LINGO2: variants seen among roughly 807,000 people sequenced by gnomAD.
The protein encoded by LINGO2 is leucine rich repeat and Ig domain containing 2.
LINGO2 carries 14 observed loss-of-function variants against 30.6 expected under a neutral mutation model. That is an observed-to-expected ratio of 0.46 (90% CI 0.30 to 0.72). The LOEUF is 0.72. LINGO2 is among the 30% of genes least tolerant of loss of function. LINGO2 has a pLI of 0.07. For missense variants in LINGO2, 729 were observed against 751.7 expected, an observed-to-expected ratio of 0.97 and a Z score of 0.35; for synonymous variants, 317 against 288.5, an observed-to-expected ratio of 1.10 and a Z score of -1.00.
At chr9:28,037,608 C>T (rs775205589) in intron 4 of LINGO2, among the ~76,000 whole-genome samples, 10 of 152,090 alleles carry the variant, frequency 6.6e-5, no homozygotes, top group South Asian at 2.1e-4. Context: ...TTATTTTATC[C>T]GCAGCGCTTG....
At chr9:28,987,942 G>A in the LINGO2 span, among the ~76,000 whole-genome samples, 1 of 152,066 alleles carries the variant, frequency 6.6e-6, no homozygotes, top group Non-Finnish European at 1.5e-5. Context: ...CTTTATTTGT[G>A]CCTTATCATG....
chr9:28,040,586 C>A (rs1259000248), intron 4 of LINGO2, among the ~76,000 whole-genome samples: 1 of 152,022 alleles, frequency 6.6e-6, no homozygotes, highest in African/African-American at 2.4e-5. Flanking sequence ...ATCCATTGTT[C>A]CAATACTAAC....
At chr9:28,917,965 G>A in the LINGO2 span, among the ~76,000 whole-genome samples, 36 of 151,974 alleles carry the variant, frequency 2.4e-4, no homozygotes, top group Non-Finnish European at 3.5e-4. Flanking sequence ...CAGTGCTAGC[G>A]GCCTACACAA....
At position 28,509,950 on chromosome 9, in the gene LINGO2, A is replaced by G. The variant is rs76474955; in HGVS notation, c.-364-33925T>C. On this transcript the variant is annotated intron_variant, in intron 1 of 5. Transcript: ENST00000379992. ...CAAATAGCACTATACTAACATTACA[A>G]TCATTGCAATAATTCGTAATGATAA... 9.3e-3 allele frequency among the ~76,000 whole-genome samples: 1,424 copies of G among 152,360 alleles called. 65 individuals are homozygous for G. The East Asian group carries it at 0.12, about 13-fold the overall frequency.
chr9:29,106,215 G>A, the LINGO2 span, among the ~76,000 whole-genome samples: 1 of 152,110 alleles, frequency 6.6e-6, no homozygotes, highest in Non-Finnish European at 1.5e-5. Flanking sequence ...ATATTCTTGA[G>A]TGAATTATCT....
intron 4 of LINGO2, among the ~76,000 whole-genome samples, chr9:28,016,994 G>A (rs562263609): frequency 1.3e-5 from 2 of 152,148 alleles, no homozygotes; most frequent in South Asian, 2.1e-4. Context: ...AATTCACCAC[G>A]ATCAAGTAGG....
At chr9:29,179,158 A>AATATATATATATAT in the LINGO2 span, among the ~76,000 whole-genome samples, 143 of 101,588 alleles carry the variant, frequency 1.4e-3, no homozygotes, top group Non-Finnish European at 1.8e-3. Context: ...TCTTACTGTA[A>AATATATATATATAT]ATATATATAT....
rs543321666 is a variant in LINGO2 at position 28,523,800 on chromosome 9, T to C, written c.-364-47775A>G. On this transcript the variant is annotated intron_variant, in intron 1 of 5. Transcript: ENST00000379992. The stretch of plus-strand genomic sequence containing the variant: ...AAGATCTAAATAACTGGAAAGACAT[T>C]TCTATGGATTGGATATCTGAATATT... Among the ~76,000 whole-genome samples the C allele has an allele frequency of 5.1e-4, 77 of 152,012 alleles. No homozygotes were observed. In the South Asian group the frequency reaches 9.5e-3, roughly 19 times the overall value.
At chr9:29,096,778 G>C in the LINGO2 span, among the ~76,000 whole-genome samples, 1 of 139,904 alleles carries the variant, frequency 7.1e-6, no homozygotes, top group East Asian at 2.4e-4. Context: ...TGCATCTCCG[G>C]TGAGTACATG....
the LINGO2 span, among the ~76,000 whole-genome samples, chr9:29,150,543 ATAG>A: frequency 6.6e-6 from 1 of 152,200 alleles, no homozygotes; most frequent in African/African-American, 2.4e-5. Flanking sequence ...CCAAGAGCTG[ATAG>A]ATGAAATAGC....
chr9:28,198,972 G>A (rs1363803413), intron 4 of LINGO2, among the ~76,000 whole-genome samples: 2 of 152,148 alleles, frequency 1.3e-5, no homozygotes, highest in East Asian at 1.9e-4. Context: ...TGTAATTAAA[G>A]TAAAAACATT....
At chr9:28,095,084 T>C (rs1826206413) in intron 4 of LINGO2, among the ~76,000 whole-genome samples, 1 of 152,160 alleles carries the variant, frequency 6.6e-6, no homozygotes, top group Non-Finnish European at 1.5e-5. Flanking sequence ...TCCAAAATTT[T>C]CCATTCAGAT....
intron 4 of LINGO2, among the ~76,000 whole-genome samples, chr9:28,149,787 G>A (rs1342757570): frequency 6.1e-5 from 9 of 146,354 alleles, no homozygotes; most frequent in South Asian, 2.2e-4. Flanking sequence ...GCCTCTGCCC[G>A]GCCTCCATCC....
intron 4 of LINGO2, among the ~76,000 whole-genome samples, chr9:28,151,298 T>C (rs949143679): frequency 6.6e-6 from 1 of 152,014 alleles, no homozygotes; most frequent in African/African-American, 2.4e-5. Flanking sequence ...CTTTAATATA[T>C]GCATAAGAGG....
chr9:28,588,952 G>A (rs1824717748), intron 1 of LINGO2, among the ~76,000 whole-genome samples: 1 of 152,054 alleles, frequency 6.6e-6, no homozygotes, highest in Non-Finnish European at 1.5e-5. Context: ...GTAAGAGGCA[G>A]TTTGGGCTGC....
At chr9:28,644,862 T>A (rs985603181) in intron 1 of LINGO2, among the ~76,000 whole-genome samples, 2 of 151,894 alleles carry the variant, frequency 1.3e-5, no homozygotes, top group Admixed American at 6.6e-5. Context: ...TTTAAAAAAA[T>A]TAAAGATCAC....
chr9:28,106,175 C>G (rs371906836), intron 4 of LINGO2, among the ~76,000 whole-genome samples: 3 of 152,002 alleles, frequency 2.0e-5, no homozygotes, highest in African/African-American at 7.2e-5. Context: ...CCTCCGAGTC[C>G]GTGGAAAAAC....
chr9:29,152,088 G>C, the LINGO2 span, among the ~76,000 whole-genome samples: 1 of 152,048 alleles, frequency 6.6e-6, no homozygotes, highest in Non-Finnish European at 1.5e-5. Flanking sequence ...AATCATCAGA[G>C]AAATGCAAAT....
the LINGO2 span, among the ~76,000 whole-genome samples, chr9:29,104,599 G>A: frequency 6.6e-6 from 1 of 152,052 alleles, no homozygotes; most frequent in Non-Finnish European, 1.5e-5. Flanking sequence ...GAGAATAATA[G>A]TTTATTGCTT....
Sources: gnomAD v4.1 joint callset for allele counts (sites outside exome capture counted in the v4.1 genomes callset) on GRCh38, gnomAD v4.1.1 for gene constraint, MANE v1.5 for transcripts, NCBI Gene and HGNC (gene_info 2026-07-23, HGNC 2026-07-21) for gene names.